IGF1R: variants seen among roughly 807,000 people sequenced by gnomAD.
The protein encoded by IGF1R is insulin-like growth factor 1 receptor.
In IGF1R, 44 loss-of-function variants were observed where a neutral mutation model predicts 144.6. That is an observed-to-expected ratio of 0.30 (90% CI 0.24 to 0.39). IGF1R has a LOEUF of 0.39. IGF1R is among the 10% of genes least tolerant of loss of function. IGF1R has a pLI of 1.00. For synonymous variants in IGF1R, 795 were observed against 722.8 expected, an observed-to-expected ratio of 1.10 and a Z score of -1.60; for missense variants, 1,355 against 1,833.7, an observed-to-expected ratio of 0.74 and a Z score of 4.77.
At chr15:98,722,946 G>C (rs2054277824) in intron 2 of IGF1R, among the ~76,000 whole-genome samples, 2 of 152,010 alleles carry the variant, frequency 1.3e-5, no homozygotes, top group South Asian at 4.2e-4. Flanking sequence ...TCTTCCTCTT[G>C]AAGGACTTGA....
chr15:98,945,601 G>C (rs1340004178), intron 19 of IGF1R, among the ~76,000 whole-genome samples: 1 of 152,206 alleles, frequency 6.6e-6, no homozygotes, highest in Non-Finnish European at 1.5e-5. Context: ...GAAAAACACA[G>C]AGGTGTTGCA....
rs2017169722 is a variant in IGF1R, at chr15:98,960,220, A to G, written c.*2778A>G. 4.3e-6 allele frequency: 1 copy of G among 233,560 alleles called. No homozygotes were observed. Among genetic ancestry groups the G allele is most frequent in the East Asian group, 6.0e-5 (1 of 16,604 alleles). The allele number at this position is 233,560 out of a possible 1,614,324, so 14.5% of individuals were successfully genotyped here. A position where few individuals can be genotyped will look rare whatever the true frequency, so the allele number is the denominator to read the frequency against. ...GAAGCCAGGCTGTATTCCGGGGTCA[A>G]AGCAACACTAACTCACCTCTCTGCT... is the stretch of plus-strand genomic sequence containing the variant. On this transcript the variant is annotated 3_prime_UTR_variant, in exon 21 of 21. Coordinates refer to ENST00000650285, the MANE Select transcript of IGF1R (RefSeq NM_000875.5).
chr15:98,921,949 C>T (rs2015506073), intron 10 of IGF1R, among the ~76,000 whole-genome samples, 199 bp from the exon 11 acceptor site: 2 of 152,044 alleles, frequency 1.3e-5, no homozygotes, highest in Non-Finnish European at 2.9e-5. Context: ...AGTTTGTGTG[C>T]CCATTCTGAC....
intron 2 of IGF1R, among the ~76,000 whole-genome samples, chr15:98,776,895 C>A (rs553582676): frequency 2.6e-5 from 4 of 152,216 alleles, no homozygotes; most frequent in Admixed American, 2.6e-4. Flanking sequence ...AGGTATGTGT[C>A]AAGCCACTGT....
chr15:98,737,908 C>A (rs1321106315), intron 2 of IGF1R, among the ~76,000 whole-genome samples: 1 of 152,162 alleles, frequency 6.6e-6, no homozygotes, highest in Non-Finnish European at 1.5e-5. Context: ...AAAGCCGACT[C>A]AGGCCTTTGA....
At chr15:98,795,403 T>TTTTGTTTTGTTTTG (rs2056217264) in intron 2 of IGF1R, among the ~76,000 whole-genome samples, 28 of 151,480 alleles carry the variant, frequency 1.8e-4, no homozygotes, top group South Asian at 6.3e-4. Flanking sequence ...TCTTTCTTGT[T>TTTTGTTTTGTTTTG]TTTTGTTTTG....
chr15:98,909,145 G>A (rs147576411), intron 6 of IGF1R, among the ~76,000 whole-genome samples: 3 of 152,062 alleles, frequency 2.0e-5, no homozygotes, highest in Admixed American at 2.0e-4. Context: ...CTTATAAGTA[G>A]GTTCTCAAAC....
chr15:98,819,451 A>G (rs1292132004), intron 2 of IGF1R, among the ~76,000 whole-genome samples: 1 of 152,142 alleles, frequency 6.6e-6, no homozygotes, highest in South Asian at 2.1e-4. Flanking sequence ...TGCCTTTATA[A>G]AAGAGAGCTG....
rs533569095 is a variant in IGF1R, at chr15:98,720,513, G to A, written c.640+12406G>A. On this transcript the variant is annotated intron_variant, in intron 2 of 20. Transcript: ENST00000650285. ...AGGATGGGCCCTACCCTTAGGGACT[G>A]CCTACGAAACTAGATCTAGAAGAGG... Among the ~76,000 whole-genome samples the A allele has an allele frequency of 8.5e-5, 13 of 152,286 alleles. No homozygotes were observed. The East Asian group carries it at 2.5e-3, about 29-fold the overall frequency.
chr15:98,903,751 G>A (rs2151663128), intron 5 of IGF1R, among the ~76,000 whole-genome samples: 1 of 152,340 alleles, frequency 6.6e-6, no homozygotes, highest in Non-Finnish European at 1.5e-5. Flanking sequence ...ACAATAAAAA[G>A]ACGTGAAGTA....
At chr15:98,678,197 C>T (rs762686633) in intron 1 of IGF1R, among the ~76,000 whole-genome samples, 6 of 152,168 alleles carry the variant, frequency 3.9e-5, no homozygotes, top group Non-Finnish European at 7.3e-5. Flanking sequence ...GTAATCCCTC[C>T]TCAAATTCCC....
chr15:98,960,281 GT>G lies in IGF1R; in HGVS notation c.*2843del. 1 of 198,568 alleles carries G rather than the reference GT, an allele frequency of 5.0e-6. No individual in the cohort carries two copies. Among genetic ancestry groups the G allele is most frequent in the East Asian group, 7.2e-5 (1 of 13,926 alleles). The allele number at this position is 198,568 out of a possible 1,614,324, so 12.3% of individuals were successfully genotyped here. A position where few individuals can be genotyped will look rare whatever the true frequency, so the allele number is the denominator to read the frequency against. ...AGCTTGCCTTTTTCTGAGATGTCCT[GT>G]TTTGTGTTGCTTTTTTTGTTTTGTT... On this transcript the variant is annotated 3_prime_UTR_variant, in exon 21 of 21. Coordinates refer to ENST00000650285, the MANE Select transcript of IGF1R (RefSeq NM_000875.5).
intron 2 of IGF1R, among the ~76,000 whole-genome samples, chr15:98,786,544 G>A (rs1280678274): frequency 6.6e-6 from 1 of 152,148 alleles, no homozygotes; most frequent in African/African-American, 2.4e-5. Context: ...TGAAGACGTG[G>A]ATGAATCAAA....
Position 98,891,517 on chromosome 15 carries a change from A to G in IGF1R, c.833A>G (p.Asp278Gly), listed in dbSNP as rs2151644635. The change falls in exon 3 of 21, where the codon GAC (aspartate) becomes GGC (glycine). Residue 278 changes from aspartate to glycine, a missense_variant. Coordinates refer to ENST00000650285, the MANE Select transcript of IGF1R (RefSeq NM_000875.5). This position sits in a 1 kb window ranked among gnomAD's most constrained non-coding sequence, Gnocchi z 4.7. Reference sequence around the variant, plus strand: ...AGGTTTGAGGGCTGGCGCTGTGTGGACCGTGACTTCTGCGCCAACATCCTC... The same window carrying G: ...AGGTTTGAGGGCTGGCGCTGTGTGGGCCGTGACTTCTGCGCCAACATCCTC... ...TYRFEGWRCV[D>G]RDFCANILSA... The G allele has an allele frequency of 3.1e-6, 5 of 1,613,532 alleles. No individual in the cohort carries two copies. The South Asian group carries it at 5.5e-5, about 18-fold the overall frequency.
At chr15:98,665,080 C>A (rs965441976) in intron 1 of IGF1R, among the ~76,000 whole-genome samples, 2 of 151,770 alleles carry the variant, frequency 1.3e-5, no homozygotes, top group African/African-American at 4.8e-5. Flanking sequence ...GCCTCAGCCT[C>A]CCCAGCAGCT....
At chr15:98,676,227 A>G (rs1289364350) in intron 1 of IGF1R, among the ~76,000 whole-genome samples, 1 of 149,792 alleles carries the variant, frequency 6.7e-6, no homozygotes, top group Admixed American at 6.7e-5. Flanking sequence ...TGCAACCTCC[A>G]CCTCCCGGGT....
At chr15:98,712,899 T>C (rs184517487) in intron 2 of IGF1R, among the ~76,000 whole-genome samples, 13 of 149,722 alleles carry the variant, frequency 8.7e-5, no homozygotes, top group Non-Finnish European at 1.8e-4. Context: ...CATGAGCCAC[T>C]GCGCCCGGCC....
intron 2 of IGF1R, among the ~76,000 whole-genome samples, chr15:98,716,201 G>C (rs2054111647): frequency 6.6e-6 from 1 of 150,426 alleles, no homozygotes; most frequent in East Asian, 1.9e-4. Context: ...CGGACTACCT[G>C]TGCCGTTTCC....
At chr15:98,736,034 G>A (rs1372868301) in intron 2 of IGF1R, among the ~76,000 whole-genome samples, 1 of 152,130 alleles carries the variant, frequency 6.6e-6, no homozygotes, top group East Asian at 1.9e-4. Flanking sequence ...CCCTGAGGGG[G>A]GATTACAAGT....
Sources: allele counts gnomAD v4.1 joint callset (sites outside exome capture counted in the v4.1 genomes callset), GRCh38; gene constraint gnomAD v4.1.1; non-coding constraint Gnocchi (gnomAD v3.1); transcripts MANE v1.5; gene names NCBI Gene and HGNC (gene_info 2026-07-23, HGNC 2026-07-21).